Variants in TRPC7 observed in about 807,000 individuals in gnomAD.
TRPC7 encodes short transient receptor potential channel 7.
TRPC7 carries 42 observed loss-of-function variants against 90.1 expected under a neutral mutation model. The observed-to-expected ratio is 0.47, with a 90% CI of 0.36 to 0.60. The LOEUF is 0.60. TRPC7 is among the 20% of genes least tolerant of loss of function. The pLI, the probability that TRPC7 is intolerant of heterozygous loss-of-function variation, is 0.00. For synonymous variants in TRPC7, 451 were observed against 436.3 expected (o/e 1.03, Z -0.42); for missense variants, 955 against 1,112.3 (o/e 0.86, Z 2.01).
intron 4 of TRPC7, among the ~76,000 whole-genome samples, chr5:136,272,891 C>A (rs542393587): frequency 6.6e-6 from 1 of 152,268 alleles, no homozygotes; most frequent in African/African-American, 2.4e-5. Context: ...CTCTCTGCAA[C>A]CACACACTTT....
At chr5:136,304,378 TA>T (rs1369164724) in intron 3 of TRPC7, among the ~76,000 whole-genome samples, 1 of 122,320 alleles carries the variant, frequency 8.2e-6, no homozygotes, top group African/African-American at 3.5e-5. Flanking sequence ...CTAAAGCCTA[TA>T]AACTCTCCTT....
intron 2 of TRPC7, among the ~76,000 whole-genome samples, chr5:136,327,085 C>G (rs1335334079): frequency 6.6e-6 from 1 of 152,002 alleles, no homozygotes; most frequent in South Asian, 2.1e-4. Context: ...GACTAAGGTA[C>G]AGAGGAGGTT....
intron 5 of TRPC7, among the ~76,000 whole-genome samples, chr5:136,252,883 C>T (rs930879736): frequency 1.3e-5 from 2 of 152,182 alleles, no homozygotes; most frequent in Admixed American, 1.3e-4. Context: ...AGTTGGCGGC[C>T]CAGGGGTTGG....
chr5:136,293,677 G>T lies in TRPC7; in HGVS notation c.964-18840C>A, dbSNP rs924854563. Reference sequence around the variant, plus strand: ...AATGGGAGAACATTCCATGCTCATGGGTAGGAAGAATCAATATTGTGAAAA... The same window carrying T: ...AATGGGAGAACATTCCATGCTCATGTGTAGGAAGAATCAATATTGTGAAAA... On this transcript the variant is annotated intron_variant, in intron 3 of 11. Coordinates refer to ENST00000513104, the MANE Select transcript of TRPC7 (RefSeq NM_020389.3). Among the ~76,000 whole-genome samples the T allele has an allele frequency of 9.2e-5, 14 of 152,244 alleles. 1 individual carries two copies. The highest frequency in any genetic ancestry group is 2.6e-4 in the African/African-American group (11 of 41,536).
rs77992715 is a variant in TRPC7, at chr5:136,241,355, A to T, written c.1844+6116T>A. 4.5e-3 allele frequency among the ~76,000 whole-genome samples: 685 copies of T among 152,374 alleles called. 6 individuals are homozygous for T. Among genetic ancestry groups the T allele is most frequent in the African/African-American group, 0.016 (660 of 41,584 alleles). Reference sequence around the variant, plus strand: ...CTGAGATGATCTTTTGAGAAACAGAACACACATTTAGTCTCCAATCAGGAT... The same window carrying T: ...CTGAGATGATCTTTTGAGAAACAGATCACACATTTAGTCTCCAATCAGGAT... On this transcript the variant is annotated intron_variant, in intron 7 of 11. Coordinates refer to ENST00000513104, the MANE Select transcript of TRPC7 (RefSeq NM_020389.3).
chr5:136,263,059 T>G (rs1239820880), intron 5 of TRPC7, among the ~76,000 whole-genome samples: 1 of 152,232 alleles, frequency 6.6e-6, no homozygotes, highest in African/African-American at 2.4e-5. Flanking sequence ...GAATGTTTGT[T>G]GAATACCAAG....
intron 2 of TRPC7, among the ~76,000 whole-genome samples, chr5:136,332,019 G>A (rs1034478255): frequency 6.6e-6 from 1 of 152,160 alleles, no homozygotes; most frequent in African/African-American, 2.4e-5. Flanking sequence ...CAGGTATAGA[G>A]AGAAGAACGT....
intron 7 of TRPC7, among the ~76,000 whole-genome samples, chr5:136,238,294 GAA>G (rs1356762154): frequency 6.6e-6 from 1 of 152,144 alleles, no homozygotes; most frequent in Non-Finnish European, 1.5e-5. Flanking sequence ...TTTTCCCTCT[GAA>G]ATGTGAGCTC....
chr5:136,251,621 G>A, intron 6 of TRPC7, 28 bp downstream of exon 6: 2 of 1,547,346 alleles, frequency 1.3e-6, no homozygotes, highest in South Asian at 1.2e-5. Flanking sequence ...GCGCCAAAAT[G>A]GAGTAGGGGA....
intron 7 of TRPC7, among the ~76,000 whole-genome samples, chr5:136,233,587 G>A (rs1442781983): frequency 6.6e-6 from 1 of 152,216 alleles, no homozygotes. Flanking sequence ...GGCAGGATCA[G>A]TGAAAACTGG....
chr5:136,344,329 C>A (rs1283399349), intron 2 of TRPC7, among the ~76,000 whole-genome samples: 1 of 152,080 alleles, frequency 6.6e-6, no homozygotes, highest in Non-Finnish European at 1.5e-5. Context: ...TAGTTTTTAC[C>A]GTGGTACTTA....
intron 3 of TRPC7, 49 bp from the exon 4 acceptor site, chr5:136,274,886 C>A: frequency 6.5e-7 from 1 of 1,534,814 alleles, no homozygotes; most frequent in Non-Finnish European, 8.8e-7. Flanking sequence ...AGGAAAATGG[C>A]ATTGATAGCA....
At chr5:136,253,014 A>C (rs913983903) in intron 5 of TRPC7, among the ~76,000 whole-genome samples, 2 of 152,212 alleles carry the variant, frequency 1.3e-5, no homozygotes, top group African/African-American at 4.8e-5. Context: ...GAGCACTTGA[A>C]ATGTGTCTAG....
At chr5:136,335,909 A>C in intron 2 of TRPC7, among the ~76,000 whole-genome samples, 1 of 147,568 alleles carries the variant, frequency 6.8e-6, no homozygotes. Flanking sequence ...GTCTCAAAAA[A>C]AAAAAAAAAA....
chr5:136,344,104 G>A (rs951513966), intron 2 of TRPC7, among the ~76,000 whole-genome samples: 1 of 152,168 alleles, frequency 6.6e-6, no homozygotes, highest in African/African-American at 2.4e-5. Context: ...CATAAAAAAT[G>A]AGATCATGTC....
intron 2 of TRPC7, among the ~76,000 whole-genome samples, chr5:136,355,839 T>C (rs745493999): frequency 7.9e-5 from 12 of 152,126 alleles, no homozygotes; most frequent in Non-Finnish European, 1.6e-4. Context: ...TTAAACACTG[T>C]GTGAAAAGAA....
At chr5:136,325,969 G>A (rs1759332194) in intron 2 of TRPC7, among the ~76,000 whole-genome samples, 1 of 152,190 alleles carries the variant, frequency 6.6e-6, no homozygotes, top group Admixed American at 6.5e-5. Flanking sequence ...CCTGGGATTG[G>A]TTGCAGGCCA....
intron 3 of TRPC7, among the ~76,000 whole-genome samples, chr5:136,306,421 A>G (rs1189605557): frequency 6.6e-6 from 1 of 152,150 alleles, no homozygotes; most frequent in Non-Finnish European, 1.5e-5. Flanking sequence ...CTCCCACTTT[A>G]GTTGCCCATG....
At chr5:136,263,543 C>T (rs1580876661) in intron 5 of TRPC7, among the ~76,000 whole-genome samples, 1 of 152,068 alleles carries the variant, frequency 6.6e-6, no homozygotes. Context: ...GACTTCAAAA[C>T]AGTTATTGTA....
Sources: gnomAD v4.1 joint callset for allele counts (sites outside exome capture counted in the v4.1 genomes callset) on GRCh38, gnomAD v4.1.1 for gene constraint, MANE v1.5 for transcripts, NCBI Gene and HGNC (gene_info 2026-07-23, HGNC 2026-07-21) for gene names.